The following SCHIP1 variants were observed in gnomAD, a reference collection of about 807,000 sequenced individuals.
SCHIP1 encodes the protein schwannomin interacting protein 1.
Under a neutral mutation model 29.7 loss-of-function variants are expected in SCHIP1, and 8 were observed. The ratio of observed to expected loss-of-function variants is 0.27; its 90% CI spans 0.16 to 0.49. The LOEUF (loss-of-function observed/expected upper bound fraction) is 0.49. Ranked by LOEUF, SCHIP1 falls within the 20% of genes least tolerant of loss-of-function variation. The probability of loss-of-function intolerance (pLI) is 0.99; values close to 1 mark genes in which losing one functional copy is unlikely to be tolerated. For synonymous variants in SCHIP1, 76 were observed against 94.9 expected (o/e 0.80, Z 1.16); for missense variants, 193 against 294.6 (o/e 0.66, Z 2.52).
chr3:159,786,228 A>G, the SCHIP1 span, among the ~76,000 whole-genome samples: 2 of 152,338 alleles, frequency 1.3e-5, no homozygotes, highest in East Asian at 1.9e-4. Context: ...TGATTTAAAC[A>G]TAGGTCTCCT....
chr3:159,486,730 C>G, the SCHIP1 span, among the ~76,000 whole-genome samples: 3 of 152,206 alleles, frequency 2.0e-5, no homozygotes, highest in African/African-American at 7.2e-5. Context: ...CAATGTGAAG[C>G]TGGTTCAGCG....
chr3:159,583,399 A>G, the SCHIP1 span, among the ~76,000 whole-genome samples: 1 of 152,204 alleles, frequency 6.6e-6, no homozygotes, highest in Non-Finnish European at 1.5e-5. Context: ...TACTCCTATG[A>G]TTATACTGTT....
chr3:159,631,318 G>A, the SCHIP1 span, among the ~76,000 whole-genome samples: 1 of 151,996 alleles, frequency 6.6e-6, no homozygotes. Flanking sequence ...TTACTATATG[G>A]ACCCATAATT....
chr3:159,424,206 G>A, the SCHIP1 span, among the ~76,000 whole-genome samples: 2 of 152,132 alleles, frequency 1.3e-5, no homozygotes, highest in Non-Finnish European at 1.5e-5. Flanking sequence ...TGACTTTGAC[G>A]AGTTGAGAGA....
chr3:159,587,556 G>T, the SCHIP1 span, among the ~76,000 whole-genome samples: 1 of 151,940 alleles, frequency 6.6e-6, no homozygotes, highest in African/African-American at 2.4e-5. Context: ...TGCCATGTTG[G>T]TGTGCTGCAC....
At chr3:159,565,720 G>C in the SCHIP1 span, among the ~76,000 whole-genome samples, 1 of 152,226 alleles carries the variant, frequency 6.6e-6, no homozygotes, top group East Asian at 1.9e-4. Context: ...AAGCTGGATT[G>C]TATTCTCTTA....
the SCHIP1 span, among the ~76,000 whole-genome samples, chr3:159,408,419 C>T: frequency 6.9e-6 from 1 of 144,206 alleles, no homozygotes; most frequent in South Asian, 2.1e-4. Flanking sequence ...AAGGACAAAA[C>T]CTTAGCCACT....
intron 1 of SCHIP1, among the ~76,000 whole-genome samples, chr3:159,848,411 C>T (rs983374686): frequency 6.6e-6 from 1 of 152,178 alleles, no homozygotes; most frequent in Admixed American, 6.5e-5. Context: ...ACTGGCAAAC[C>T]ATCAGGCATT....
chr3:159,391,090 A>G, the SCHIP1 span, among the ~76,000 whole-genome samples: 8,585 of 152,248 alleles, frequency 0.056, 338 homozygotes, highest in Middle Eastern at 0.16. Flanking sequence ...GGTAGTCAAC[A>G]TGATGAATGT....
chr3:159,294,489 C>T, the SCHIP1 span, among the ~76,000 whole-genome samples: 15 of 152,280 alleles, frequency 9.9e-5, 1 homozygote, highest in African/African-American at 3.6e-4. Flanking sequence ...CACCTTTTGG[C>T]TGAGATTTGA....
At chr3:159,582,781 TATATATACACAC>T in the SCHIP1 span, among the ~76,000 whole-genome samples, 8 of 88,442 alleles carry the variant, frequency 9.0e-5, no homozygotes, top group African/African-American at 3.1e-4. Flanking sequence ...AACTGAAATA[TATATATACACAC>T]ACACACACAC....
At chr3:159,646,135 G>A in the SCHIP1 span, among the ~76,000 whole-genome samples, 1,626 of 152,240 alleles carry the variant, frequency 0.011, 14 homozygotes, top group Middle Eastern at 0.014. Context: ...CAGAGCACAA[G>A]CTTTACTCTG....
the SCHIP1 span, among the ~76,000 whole-genome samples, chr3:159,505,816 G>T: frequency 6.6e-6 from 1 of 152,162 alleles, no homozygotes; most frequent in Non-Finnish European, 1.5e-5. Context: ...ATTTTTTATG[G>T]CTGCATAGTA....
chr3:159,381,816 G>C, the SCHIP1 span, among the ~76,000 whole-genome samples: 31 of 152,054 alleles, frequency 2.0e-4, no homozygotes, highest in South Asian at 2.5e-3. Flanking sequence ...GGCTGGTCTC[G>C]AACTCTTGGT....
intron 5 of SCHIP1, among the ~76,000 whole-genome samples, chr3:159,891,292 A>T (rs1319284653): frequency 6.6e-6 from 1 of 151,944 alleles, no homozygotes; most frequent in East Asian, 1.9e-4. Flanking sequence ...AATCACTCGA[A>T]CCCGGGAGGT....
the SCHIP1 span, among the ~76,000 whole-genome samples, chr3:159,458,483 A>G: frequency 4.1e-4 from 62 of 152,150 alleles, no homozygotes; most frequent in Admixed American, 1.4e-3. Flanking sequence ...AACTAAGAAC[A>G]AGGGAAGAAG....
At chr3:159,517,324 A>G in the SCHIP1 span, among the ~76,000 whole-genome samples, 115 of 152,344 alleles carry the variant, frequency 7.5e-4, no homozygotes, top group African/African-American at 2.6e-3. Flanking sequence ...TTTTCTTTCA[A>G]GAAAGATAAG....
At chr3:159,503,764 A>T in the SCHIP1 span, among the ~76,000 whole-genome samples, 3 of 152,350 alleles carry the variant, frequency 2.0e-5, no homozygotes, top group East Asian at 3.9e-4. Context: ...TCTCAATTTG[A>T]TGTTGCCAAC....
At chr3:159,651,685 T>C in the SCHIP1 span, among the ~76,000 whole-genome samples, 4 of 152,354 alleles carry the variant, frequency 2.6e-5, no homozygotes, top group African/African-American at 9.6e-5. Context: ...CACCCAACTT[T>C]TCTTATCATT....
Sources: gnomAD v4.1 joint callset for allele counts (sites outside exome capture counted in the v4.1 genomes callset) on GRCh38, gnomAD v4.1.1 for gene constraint, MANE v1.5 for transcripts, NCBI Gene and HGNC (gene_info 2026-07-23, HGNC 2026-07-21) for gene names.